Variants in CRACD observed in about 807,000 individuals in gnomAD.
CRACD encodes the protein capping protein-inhibiting regulator of actin dynamics.
A neutral mutation model predicts 106.8 loss-of-function variants in CRACD; 56 were observed. The observed-to-expected ratio is 0.52, with a 90% CI of 0.42 to 0.66. The LOEUF (loss-of-function observed/expected upper bound fraction) is 0.66, where lower values mean the gene tolerates loss of function less well. Ranked by LOEUF, CRACD falls within the 30% of genes least tolerant of loss-of-function variation. The pLI, the probability that CRACD is intolerant of heterozygous loss-of-function variation, is 0.00. For missense variants in CRACD, 1,730 were observed against 1,623.2 expected (o/e 1.07, Z -1.13); for synonymous variants, 754 against 670.8 (o/e 1.12, Z -1.92).
chr4:56,311,106 A>G (rs1248996399), intron 6 of CRACD: 2 of 172,856 alleles, frequency 1.2e-5, no homozygotes, highest in Non-Finnish European at 2.4e-5. Context: ...AGAGAGGCAA[A>G]ACAAAAACAA....
rs77416873 is a variant in CRACD at position 56,139,764 on chromosome 4, G to A, written c.-335-39520G>A. On this transcript the variant is annotated intron_variant, in intron 1 of 10. Coordinates refer to ENST00000682029, the MANE Select transcript of CRACD (RefSeq NM_001393381.1). ...GGAATTTGAAAATTCTTACTTAAGA[G>A]AAAAAAAATGCCTTTTTTGCATTTT... Among the ~76,000 whole-genome samples, 753 of 151,828 alleles carry A rather than the reference G, an allele frequency of 5.0e-3. 19 individuals are homozygous for A. The East Asian group carries it at 0.065, about 13-fold the overall frequency.
Position 56,324,280 on chromosome 4 carries a change from C to T in CRACD, c.3541+14C>T. On this transcript the variant is annotated intron_variant, in intron 10 of 10. Coordinates refer to ENST00000682029, the MANE Select transcript of CRACD (RefSeq NM_001393381.1). ...CGTCTGTGACAGGTAGAGAGCAGGT[C>T]CATTGCTTTGTAACTGTAGTTCCAG... The T allele has an allele frequency of 6.2e-7, 1 of 1,605,878 alleles. No individual in the cohort carries two copies. Among genetic ancestry groups the T allele is most frequent in the Non-Finnish European group, 8.5e-7 (1 of 1,175,176 alleles).
chr4:56,084,992 A>T (rs1475424813), intron 1 of CRACD, among the ~76,000 whole-genome samples: 1 of 152,200 alleles, frequency 6.6e-6, no homozygotes, highest in Non-Finnish European at 1.5e-5. Flanking sequence ...TCTTAACTGT[A>T]TGTGGTGTGA....
At chr4:56,101,134 T>C (rs1733763067) in intron 1 of CRACD, among the ~76,000 whole-genome samples, 1 of 110,916 alleles carries the variant, frequency 9.0e-6, no homozygotes, top group Non-Finnish European at 1.9e-5. Flanking sequence ...TCTTGCTTTC[T>C]AGTTAAAGGC....
intron 2 of CRACD, among the ~76,000 whole-genome samples, chr4:56,179,926 A>T (rs1423947715): frequency 6.6e-6 from 1 of 152,070 alleles, no homozygotes; most frequent in Non-Finnish European, 1.5e-5. Context: ...CTGAGGCAGG[A>T]GAATCGCTTG....
At chr4:56,305,208 G>A (rs1199324376) in intron 4 of CRACD, among the ~76,000 whole-genome samples, 1 of 152,186 alleles carries the variant, frequency 6.6e-6, no homozygotes, top group Non-Finnish European at 1.5e-5. Context: ...GCGACAGAAA[G>A]AGACCCTGTC....
At chr4:56,123,776 G>C (rs750881345) in intron 1 of CRACD, among the ~76,000 whole-genome samples, 24 of 152,062 alleles carry the variant, frequency 1.6e-4, no homozygotes, top group Non-Finnish European at 1.6e-4. Flanking sequence ...TGCTTAAAGG[G>C]ACCCTTGGAT....
At chr4:56,278,512 G>A (rs1742806113) in intron 3 of CRACD, among the ~76,000 whole-genome samples, 1 of 151,958 alleles carries the variant, frequency 6.6e-6, no homozygotes, top group Non-Finnish European at 1.5e-5. Context: ...AACTCAAAAT[G>A]GATCACAGAC....
At position 56,069,191 on chromosome 4, in the gene CRACD, G is replaced by C. The variant is rs145247613; in HGVS notation, c.-336+19892G>C. ...TCGGACTTTTGGCCTCCAGAACTGTGAGAGAATAAGCTTGTGTTGTTTAAG... is the reference window on the plus strand; with the variant it reads ...TCGGACTTTTGGCCTCCAGAACTGTCAGAGAATAAGCTTGTGTTGTTTAAG... On this transcript the variant is annotated intron_variant, in intron 1 of 10. Transcript: ENST00000682029. Among the ~76,000 whole-genome samples, 91 of 152,312 alleles carry C rather than the reference G, an allele frequency of 6.0e-4. 1 individual carries two copies. The East Asian group carries it at 0.017, about 28-fold the overall frequency.
intron 2 of CRACD, among the ~76,000 whole-genome samples, chr4:56,222,436 C>T (rs931070327): frequency 6.6e-6 from 1 of 152,166 alleles, no homozygotes; most frequent in Non-Finnish European, 1.5e-5. Flanking sequence ...GTATTGGGTA[C>T]GGTGTATGCT....
intron 1 of CRACD, among the ~76,000 whole-genome samples, chr4:56,155,599 C>G (rs1025571808): frequency 6.6e-6 from 1 of 152,268 alleles, no homozygotes; most frequent in East Asian, 1.9e-4. Context: ...TATTATTGCT[C>G]CCATTTTACA....
intron 1 of CRACD, among the ~76,000 whole-genome samples, chr4:56,145,005 C>T (rs1735332585): frequency 6.6e-6 from 1 of 152,116 alleles, no homozygotes; most frequent in Non-Finnish European, 1.5e-5. Flanking sequence ...CCAGGCTGGT[C>T]CTGAACTCTT....
intron 1 of CRACD, among the ~76,000 whole-genome samples, chr4:56,056,004 A>G (rs1327484099): frequency 1.3e-5 from 2 of 152,236 alleles, no homozygotes; most frequent in Non-Finnish European, 2.9e-5. Context: ...TAGATAGAAG[A>G]TAACATGGTT....
At chr4:56,252,815 C>G (rs1411428064) in intron 2 of CRACD, among the ~76,000 whole-genome samples, 1 of 152,204 alleles carries the variant, frequency 6.6e-6, no homozygotes, top group African/African-American at 2.4e-5. Flanking sequence ...CTCTTTGCAT[C>G]ATTGGCTCAT....
intron 2 of CRACD, among the ~76,000 whole-genome samples, chr4:56,215,809 C>G (rs1738648628): frequency 6.6e-6 from 1 of 152,246 alleles, no homozygotes; most frequent in African/African-American, 2.4e-5. Context: ...ACAGAATTGA[C>G]TAGCATAAAT....
Position 56,327,634 on chromosome 4 carries a change from C to A in CRACD, c.3542-10C>A. ...CTTACTTTTTCCTTTTCCTTCAAAA[C>A]AAAATCCAGTGGAGATCTCCGACTC... On this transcript the variant is annotated splice_polypyrimidine_tract_variant and intron_variant, in intron 10 of 10. Coordinates refer to ENST00000682029, the MANE Select transcript of CRACD (RefSeq NM_001393381.1). 6.2e-7 allele frequency: 1 copy of A among 1,604,018 alleles called. No homozygotes were observed. Among genetic ancestry groups the A allele is most frequent in the Non-Finnish European group, 8.5e-7 (1 of 1,174,550 alleles).
At chr4:56,268,886 TAAGAACCTA>T (rs1192934745) in intron 2 of CRACD, among the ~76,000 whole-genome samples, 1 of 152,244 alleles carries the variant, frequency 6.6e-6, no homozygotes, top group Non-Finnish European at 1.5e-5. Context: ...ATTTTATTGA[TAAGAACCTA>T]AAGTAGGTGT....
At chr4:56,067,794 C>T (rs1388305347) in intron 1 of CRACD, among the ~76,000 whole-genome samples, 1 of 151,984 alleles carries the variant, frequency 6.6e-6, no homozygotes, top group African/African-American at 2.4e-5. Context: ...CAGACTAGAC[C>T]CGAGCTTCTG....
intron 2 of CRACD, among the ~76,000 whole-genome samples, chr4:56,257,575 G>C (rs1490775280): frequency 6.6e-6 from 1 of 151,200 alleles, no homozygotes; most frequent in African/African-American, 2.4e-5. Context: ...CACACCTCTA[G>C]TCCCAGCTAC....
Sources: allele counts gnomAD v4.1 joint callset (sites outside exome capture counted in the v4.1 genomes callset), GRCh38; gene constraint gnomAD v4.1.1; transcripts MANE v1.5; gene names NCBI Gene and HGNC (gene_info 2026-07-23, HGNC 2026-07-21).